NRXN3: variants seen among roughly 807,000 people sequenced by gnomAD.
NRXN3 encodes neurexin III.
NRXN3 carries 32 observed loss-of-function variants against 137.6 expected under a neutral mutation model. The ratio of observed to expected loss-of-function variants is 0.23; its 90% CI spans 0.18 to 0.31. NRXN3 has a LOEUF of 0.31. Among genes scored for constraint, NRXN3 ranks in the 10% least tolerant of loss-of-function variants. The probability of loss-of-function intolerance (pLI) is 1.00; values close to 1 mark genes in which losing one functional copy is unlikely to be tolerated. For missense variants in NRXN3, 1,574 were observed against 2,062.5 expected, an observed-to-expected ratio of 0.76 and a Z score of 4.59; for synonymous variants, 798 against 784.5, an observed-to-expected ratio of 1.02 and a Z score of -0.29.
chr14:79,108,255 C>A (rs1046672455), intron 15 of NRXN3, among the ~76,000 whole-genome samples: 55 of 152,118 alleles, frequency 3.6e-4, no homozygotes, highest in Admixed American at 5.2e-4. Context: ...TCCTGAAGTA[C>A]TTTGTGTGAA....
intron 4 of NRXN3, among the ~76,000 whole-genome samples, chr14:78,607,745 C>T (rs1157322): frequency 0.019 from 2,940 of 152,212 alleles, 97 homozygotes; most frequent in African/African-American, 0.057. Flanking sequence ...TGCTATTCTC[C>T]ACGATCTGTG....
intron 6 of NRXN3, among the ~76,000 whole-genome samples, chr14:78,680,362 AC>A (rs2098061654): frequency 6.6e-6 from 1 of 152,118 alleles, no homozygotes; most frequent in African/African-American, 2.4e-5. Context: ...CTGCACTTGT[AC>A]CCCTGAAGTT....
At chr14:78,281,388 A>T (rs1210709553) in intron 3 of NRXN3, among the ~76,000 whole-genome samples, 1 of 152,228 alleles carries the variant, frequency 6.6e-6, no homozygotes, top group Non-Finnish European at 1.5e-5. Flanking sequence ...GGAAGACTAT[A>T]AAGGGATGAT....
chr14:79,544,450 C>T (rs781031313), intron 16 of NRXN3, among the ~76,000 whole-genome samples: 1 of 152,050 alleles, frequency 6.6e-6, no homozygotes, highest in Non-Finnish European at 1.5e-5. Flanking sequence ...TAATAATGTG[C>T]AGTAGTAGAG....
chr14:79,445,365 AG>A (rs1255179845), intron 15 of NRXN3, among the ~76,000 whole-genome samples: 4 of 152,060 alleles, frequency 2.6e-5, no homozygotes, highest in Admixed American at 6.6e-5. Flanking sequence ...AAAGAAAAAA[AG>A]AAAAAAAATG....
At chr14:79,768,662 A>G (rs954162492) in intron 19 of NRXN3, among the ~76,000 whole-genome samples, 1 of 152,234 alleles carries the variant, frequency 6.6e-6, no homozygotes, top group Non-Finnish European at 1.5e-5. Flanking sequence ...ATAAAACCAC[A>G]AAGATGGGGA....
At chr14:79,617,004 T>C (rs968068664) in intron 16 of NRXN3, among the ~76,000 whole-genome samples, 4 of 152,084 alleles carry the variant, frequency 2.6e-5, no homozygotes, top group African/African-American at 9.7e-5. Context: ...CCTGATCTCA[T>C]AGGCCTGATA....
At position 78,634,166 on chromosome 14, in the gene NRXN3, G is replaced by A. The variant is rs561099424; in HGVS notation, c.758-10954G>A. On this transcript the variant is annotated intron_variant, in intron 4 of 20. Transcript: ENST00000335750. Reference sequence around the variant, plus strand: ...AACTACCCCATCATAACAGATTAACGTGTCTTCCATATCCCTCAGCTTCCA... The same window carrying A: ...AACTACCCCATCATAACAGATTAACATGTCTTCCATATCCCTCAGCTTCCA... Among the ~76,000 whole-genome samples the A allele has an allele frequency of 5.8e-4, 89 of 152,316 alleles. No homozygotes were observed. The Middle Eastern group carries it at 0.01, about 17-fold the overall frequency.
At chr14:78,491,095 G>T (rs571974252) in intron 4 of NRXN3, among the ~76,000 whole-genome samples, 1 of 152,104 alleles carries the variant, frequency 6.6e-6, no homozygotes, top group African/African-American at 2.4e-5. Context: ...TGCTGCTGCC[G>T]GTCGGCTGGG....
chr14:78,197,864 C>A (rs1037903577), intron 1 of NRXN3, among the ~76,000 whole-genome samples: 1 of 152,238 alleles, frequency 6.6e-6, no homozygotes, highest in African/African-American at 2.4e-5. Flanking sequence ...TGTCTCCTGA[C>A]ACCTTCTACT....
chr14:79,437,526 A>G (rs1696771414), intron 15 of NRXN3, among the ~76,000 whole-genome samples: 1 of 152,176 alleles, frequency 6.6e-6, no homozygotes, highest in African/African-American at 2.4e-5. Context: ...TTCTCAGGTA[A>G]CCAATGCAGC....
intron 19 of NRXN3, among the ~76,000 whole-genome samples, chr14:79,768,994 G>A (rs369956527): frequency 4.6e-5 from 7 of 151,808 alleles, no homozygotes; most frequent in African/African-American, 9.7e-5. Context: ...CTCAGGAGCC[G>A]ATGCGATCAA....
At chr14:79,847,324 A>G (rs542635860) in intron 20 of NRXN3, among the ~76,000 whole-genome samples, 2 of 152,340 alleles carry the variant, frequency 1.3e-5, no homozygotes, top group South Asian at 2.1e-4. Context: ...TTATTTCTGC[A>G]TGTAATTTTA....
At chr14:79,766,417 T>C (rs1218074507) in intron 19 of NRXN3, among the ~76,000 whole-genome samples, 2 of 152,218 alleles carry the variant, frequency 1.3e-5, no homozygotes, top group African/African-American at 4.8e-5. Flanking sequence ...AGACGCTTAT[T>C]TCTTTTTTCA....
chr14:79,470,856 G>A (rs1600764467), intron 16 of NRXN3, among the ~76,000 whole-genome samples: 1 of 150,904 alleles, frequency 6.6e-6, no homozygotes, highest in East Asian at 2.1e-4. Context: ...AGCCAGCGGT[G>A]TATATGTGTG....
intron 15 of NRXN3, among the ~76,000 whole-genome samples, chr14:79,103,324 AATTG>A (rs1403512916): frequency 4.6e-5 from 7 of 152,170 alleles, no homozygotes; most frequent in Admixed American, 2.0e-4. Flanking sequence ...ATGATCAATT[AATTG>A]ATTGATGGTT....
rs1440323119 is a variant in NRXN3 at position 79,179,824 on chromosome 14, CA to C, written c.3262+191684del. Reference sequence around the variant, plus strand: ...CTTAGTTTCTCCAACCTGGACAGACCAGGAGCCTTTATGTCAAGATCCTGCA... The same window carrying C: ...CTTAGTTTCTCCAACCTGGACAGACCGGAGCCTTTATGTCAAGATCCTGCA... On this transcript the variant is annotated intron_variant, in intron 15 of 20. Transcript: ENST00000335750. Among the ~76,000 whole-genome samples, 4 of 152,254 alleles carry C rather than the reference CA, an allele frequency of 2.6e-5. No homozygotes were observed. The East Asian group carries it at 7.7e-4, about 29-fold the overall frequency.
chr14:78,769,762 A>G (rs1012140450), intron 8 of NRXN3, among the ~76,000 whole-genome samples: 1 of 152,232 alleles, frequency 6.6e-6, no homozygotes, highest in Non-Finnish European at 1.5e-5. Context: ...GGACATATTG[A>G]TTATGCTGAG....
intron 19 of NRXN3, among the ~76,000 whole-genome samples, chr14:79,707,733 C>T (rs2098786614): frequency 6.6e-6 from 1 of 152,044 alleles, no homozygotes. Flanking sequence ...TATGCTCTTT[C>T]CTCAGAAAAG....
Sources: gnomAD v4.1 joint callset for allele counts (sites outside exome capture counted in the v4.1 genomes callset) on GRCh38, gnomAD v4.1.1 for gene constraint, MANE v1.5 for transcripts, NCBI Gene and HGNC (gene_info 2026-07-23, HGNC 2026-07-21) for gene names.